Variants in PACRG observed in about 807,000 individuals in gnomAD.
PACRG encodes the protein parkin coregulated gene protein.
PACRG carries 29 observed loss-of-function variants against 29.7 expected under a neutral mutation model. The observed-to-expected ratio is 0.98, with a 90% confidence interval of 0.73 to 1.33. PACRG has a LOEUF of 1.33. PACRG is among the 40% of genes most tolerant of loss of function. The pLI is 0.00. For synonymous variants in PACRG, 116 were observed against 118.7 expected, an observed-to-expected ratio of 0.98 and a Z score of 0.15; for missense variants, 279 against 316.2, an observed-to-expected ratio of 0.88 and a Z score of 0.89.
intron 4 of PACRG, among the ~76,000 whole-genome samples, chr6:163,300,747 T>G (rs550812488): frequency 6.6e-6 from 1 of 151,812 alleles, no homozygotes; most frequent in Non-Finnish European, 1.5e-5. Flanking sequence ...AAGAATGACC[T>G]TTTTGTGGCT....
At chr6:162,887,159 G>T (rs1794406726) in intron 2 of PACRG, among the ~76,000 whole-genome samples, 1 of 152,152 alleles carries the variant, frequency 6.6e-6, no homozygotes, top group African/African-American at 2.4e-5. Context: ...CCATCATAAG[G>T]CCAGGCTGGT....
chr6:162,846,868 G>A (rs1315863120), intron 2 of PACRG, among the ~76,000 whole-genome samples: 6 of 147,158 alleles, frequency 4.1e-5, no homozygotes, highest in Non-Finnish European at 9.1e-5. Context: ...TCCCCATGCT[G>A]ACCGCTGCTC....
chr6:162,903,526 G>A (rs371068758), intron 2 of PACRG, among the ~76,000 whole-genome samples: 1 of 151,996 alleles, frequency 6.6e-6, no homozygotes, highest in East Asian at 1.9e-4. Context: ...AAGAGAGAAT[G>A]AGAACCAAGT....
chr6:163,279,228 G>A lies in PACRG; in HGVS notation c.614-35599G>A, dbSNP rs185754723. Among the ~76,000 whole-genome samples, 376 of 152,268 alleles carry A rather than the reference G, an allele frequency of 2.5e-3. 4 individuals are homozygous for A. The highest frequency in any genetic ancestry group is 7.2e-3 in the African/African-American group (301 of 41,550). On this transcript the variant is annotated intron_variant, in intron 4 of 4. Transcript: ENST00000366888. ...CTGAATTCCTTTACAAGTTCTAGAAGCTTTTTGGATGAGTCTTGGGTTTTC... is the reference window on the plus strand; with the variant it reads ...CTGAATTCCTTTACAAGTTCTAGAAACTTTTTGGATGAGTCTTGGGTTTTC...
At chr6:162,966,745 G>A (rs1011666631) in intron 2 of PACRG, among the ~76,000 whole-genome samples, 4 of 152,010 alleles carry the variant, frequency 2.6e-5, no homozygotes, top group Non-Finnish European at 5.9e-5. Context: ...CAAAGTGCTG[G>A]GATTACAGGC....
intron 2 of PACRG, among the ~76,000 whole-genome samples, chr6:162,972,373 C>T (rs991910668): frequency 6.6e-6 from 1 of 152,128 alleles, no homozygotes; most frequent in African/African-American, 2.4e-5. Flanking sequence ...CATCTGATTG[C>T]GTCTGTTTCA....
rs796202675 is a variant in PACRG at position 163,269,762 on chromosome 6, G to GAGAGAGAGAGAC, written c.614-45062_614-45061insGAGAGAGACAGA. ...GGGGAAAAGAAGAAAGAGAGAGAGA[G>GAGAGAGAGAGAC]AGACAGACAGACAGACAGACAGAAA... On this transcript the variant is annotated intron_variant, in intron 4 of 4. Coordinates refer to ENST00000366888, the MANE Select transcript of PACRG (RefSeq NM_001080379.2). Among the ~76,000 whole-genome samples the GAGAGAGAGAGAC allele has an allele frequency of 2.9e-4, 15 of 51,254 alleles. 1 individual carries two copies. Among genetic ancestry groups the GAGAGAGAGAGAC allele is most frequent in the Admixed American group, 9.1e-4 (5 of 5,500 alleles). 33.6% of individuals were successfully genotyped at this position (51,254 alleles called of 152,430 possible).
intron 4 of PACRG, among the ~76,000 whole-genome samples, chr6:163,179,930 G>A (rs139195328): frequency 1.6e-4 from 25 of 152,278 alleles, no homozygotes; most frequent in South Asian, 4.1e-4. Context: ...CAGGCACCCC[G>A]TCCAGTGTCC....
At position 162,811,549 on chromosome 6, in the gene PACRG, C is replaced by T. The variant is rs147438956; in HGVS notation, c.157-2598C>T. Among the ~76,000 whole-genome samples the T allele has an allele frequency of 2.6e-3, 398 of 151,604 alleles. 1 individual carries two copies. Among genetic ancestry groups the T allele is most frequent in the South Asian group, 0.023 (108 of 4,786 alleles). ...AAAATCACAGAAGCATATTGACTGA[C>T]GCAGAAAAAAATTGAAAAAATTGAA... On this transcript the variant is annotated intron_variant, in intron 1 of 4. Transcript: ENST00000366888.
chr6:162,750,928 G>C (rs186297688), intron 1 of PACRG, among the ~76,000 whole-genome samples: 2 of 152,116 alleles, frequency 1.3e-5, no homozygotes, highest in Non-Finnish European at 2.9e-5. Context: ...ACTAGTGGTC[G>C]TGAGTTACGT....
intron 1 of PACRG, among the ~76,000 whole-genome samples, chr6:162,751,945 A>G (rs543881580): frequency 6.6e-6 from 1 of 152,122 alleles, no homozygotes; most frequent in Non-Finnish European, 1.5e-5. Flanking sequence ...CACATTTCTA[A>G]TTTGTTTCTA....
intron 4 of PACRG, among the ~76,000 whole-genome samples, chr6:163,309,028 CA>C (rs1471222373): frequency 3.6e-5 from 5 of 139,692 alleles, no homozygotes; most frequent in African/African-American, 8.6e-5. Flanking sequence ...CTTCTGTCAG[CA>C]TTTTTTTTTT....
At chr6:163,259,874 A>T (rs945152939) in intron 4 of PACRG, among the ~76,000 whole-genome samples, 2 of 152,088 alleles carry the variant, frequency 1.3e-5, no homozygotes, top group African/African-American at 4.8e-5. Context: ...AGGCTGAGGG[A>T]TGAGGGGCGG....
At chr6:162,906,640 C>T (rs1795952197) in intron 2 of PACRG, among the ~76,000 whole-genome samples, 1 of 152,212 alleles carries the variant, frequency 6.6e-6, no homozygotes, top group South Asian at 2.1e-4. Context: ...GTGATGACAG[C>T]TCTTTCTTCC....
At chr6:163,296,526 T>A (rs1039352865) in intron 4 of PACRG, among the ~76,000 whole-genome samples, 4 of 152,190 alleles carry the variant, frequency 2.6e-5, no homozygotes, top group African/African-American at 9.7e-5. Flanking sequence ...AACTTCTGAC[T>A]GAGTGATCCA....
chr6:162,795,493 A>C (rs1043891627), intron 1 of PACRG, among the ~76,000 whole-genome samples: 1 of 152,166 alleles, frequency 6.6e-6, no homozygotes, highest in African/African-American at 2.4e-5. Flanking sequence ...TATTTGAACT[A>C]TAACTAGATC....
intron 2 of PACRG, among the ~76,000 whole-genome samples, chr6:162,911,570 A>T (rs1305644873): frequency 6.6e-6 from 1 of 152,248 alleles, no homozygotes; most frequent in Non-Finnish European, 1.5e-5. Context: ...ATATGCAGTG[A>T]ACAACTTTGT....
At chr6:163,311,133 A>G (rs917351529) in intron 4 of PACRG, among the ~76,000 whole-genome samples, 2 of 152,236 alleles carry the variant, frequency 1.3e-5, no homozygotes, top group Non-Finnish European at 2.9e-5. Flanking sequence ...TTCTTAACCA[A>G]GAACAACTTT....
intron 2 of PACRG, among the ~76,000 whole-genome samples, chr6:162,867,146 A>G (rs117858477): frequency 1.3e-5 from 2 of 152,228 alleles, no homozygotes; most frequent in East Asian, 1.9e-4. Flanking sequence ...CAAATGCTCA[A>G]TTGCCCCTGA....
Sources: gnomAD v4.1 joint callset for allele counts (sites outside exome capture counted in the v4.1 genomes callset) on GRCh38, gnomAD v4.1.1 for gene constraint, MANE v1.5 for transcripts, NCBI Gene and HGNC (gene_info 2026-07-23, HGNC 2026-07-21) for gene names.